CDH13: variants seen among roughly 807,000 people sequenced by gnomAD.
CDH13 encodes cadherin 13, also known as cadherin-13.
Under a neutral mutation model 63.8 loss-of-function variants are expected in CDH13, and 24 were observed. The ratio of observed to expected loss-of-function variants is 0.38; its 90% CI spans 0.27 to 0.53. The LOEUF (loss-of-function observed/expected upper bound fraction) is 0.53. Among genes scored for constraint, CDH13 ranks in the 20% least tolerant of loss-of-function variants. CDH13 has a pLI of 0.85. For missense variants in CDH13, 1,049 were observed against 903.1 expected (o/e 1.16, Z -2.07); for synonymous variants, 503 against 355.3 (o/e 1.42, Z -4.67).
intron 10 of CDH13, among the ~76,000 whole-genome samples, chr16:83,712,851 C>T (rs946458304): frequency 3.3e-5 from 5 of 152,204 alleles, no homozygotes; most frequent in African/African-American, 1.2e-4. Context: ...AACAGCATTG[C>T]TTCTCTAAAA....
At chr16:83,376,914 C>G (rs1003851899) in intron 6 of CDH13, among the ~76,000 whole-genome samples, 1 of 152,104 alleles carries the variant, frequency 6.6e-6, no homozygotes, top group African/African-American at 2.4e-5. Context: ...GAAGCCAGCA[C>G]CACATAAGAA....
At chr16:83,089,040 G>T (rs1237880689) in intron 3 of CDH13, among the ~76,000 whole-genome samples, 6 of 152,084 alleles carry the variant, frequency 3.9e-5, no homozygotes, top group African/African-American at 1.5e-4. Context: ...TTTACTACCT[G>T]GTTCTTTATA....
At chr16:83,491,461 A>C (rs2074009573) in intron 7 of CDH13, among the ~76,000 whole-genome samples, 2 of 152,174 alleles carry the variant, frequency 1.3e-5, no homozygotes, top group Non-Finnish European at 2.9e-5. Context: ...TAAATGTTTT[A>C]TTTAGTTGAT....
intron 4 of CDH13, chr16:83,181,092 G>C (rs763739276): frequency 2.4e-5 from 30 of 1,248,646 alleles, no homozygotes; most frequent in Non-Finnish European, 3.1e-5. Flanking sequence ...CCTGTTGACT[G>C]AATTTTGATC....
In CDH13 at chr16:83,274,999, C is replaced by CA. The variant is rs1481868974; in HGVS notation, c.636+57503dup. 2.0e-5 allele frequency among the ~76,000 whole-genome samples: 3 copies of CA among 152,258 alleles called. No homozygotes were observed. The South Asian group carries it at 6.2e-4, about 32-fold the overall frequency. Reference sequence around the variant, plus strand: ...ATACTTCCAGCCCTGTCTGACCCGGCACTCCCTATAGACACATGCTTTATT... The same window carrying CA: ...ATACTTCCAGCCCTGTCTGACCCGGCAACTCCCTATAGACACATGCTTTATT... On this transcript the variant is annotated intron_variant, in intron 5 of 13. Transcript: ENST00000567109.
chr16:83,144,675 AT>A (rs1292060758), intron 4 of CDH13, among the ~76,000 whole-genome samples: 1 of 152,122 alleles, frequency 6.6e-6, no homozygotes, highest in African/African-American at 2.4e-5. Flanking sequence ...CTATCTCTCT[AT>A]TTTTTTCCCT....
At chr16:83,268,143 C>A (rs1003667921) in intron 5 of CDH13, among the ~76,000 whole-genome samples, 5 of 152,166 alleles carry the variant, frequency 3.3e-5, no homozygotes, top group African/African-American at 1.2e-4. Context: ...CCAGAGTAAA[C>A]CCCTGATCAT....
intron 2 of CDH13, among the ~76,000 whole-genome samples, chr16:82,936,020 G>C (rs775908858): frequency 5.3e-5 from 8 of 152,118 alleles, no homozygotes; most frequent in Non-Finnish European, 1.0e-4. Flanking sequence ...TTTACACAGG[G>C]CATGGGCAAG....
chr16:82,902,071 TG>T (rs2041490703), intron 2 of CDH13, among the ~76,000 whole-genome samples: 1 of 152,202 alleles, frequency 6.6e-6, no homozygotes, highest in Non-Finnish European at 1.5e-5. Flanking sequence ...TTTCAAAACT[TG>T]GGCTGTTTGC....
intron 4 of CDH13, among the ~76,000 whole-genome samples, chr16:83,142,234 C>T (rs1383700257): frequency 6.8e-6 from 1 of 146,908 alleles, no homozygotes; most frequent in Non-Finnish European, 1.5e-5. Flanking sequence ...AATCTCAGCT[C>T]ACCACAGCCT....
chr16:83,377,465 A>G (rs2091479993), intron 6 of CDH13, among the ~76,000 whole-genome samples: 1 of 152,096 alleles, frequency 6.6e-6, no homozygotes, highest in African/African-American at 2.4e-5. Context: ...TTCCTCTTTG[A>G]TGGGACTGTC....
intron 7 of CDH13, among the ~76,000 whole-genome samples, chr16:83,560,808 AATC>A (rs10608983): frequency 0.22 from 33,274 of 151,986 alleles, 3,589 homozygotes; most frequent in Admixed American, 0.26. Context: ...ACGCAACCTT[AATC>A]ATATGAGTTG....
intron 2 of CDH13, among the ~76,000 whole-genome samples, chr16:82,875,659 C>G (rs1174588637): frequency 6.6e-6 from 1 of 152,164 alleles, no homozygotes; most frequent in Non-Finnish European, 1.5e-5. Context: ...GACTCACATT[C>G]ATATCTAAAG....
chr16:83,754,406 C>G (rs376178), intron 11 of CDH13, among the ~76,000 whole-genome samples: 3 of 152,090 alleles, frequency 2.0e-5, no homozygotes, highest in Non-Finnish European at 1.5e-5. Context: ...CAGAAGTTGA[C>G]TCAGTCTTGT....
intron 1 of CDH13, among the ~76,000 whole-genome samples, chr16:82,752,207 C>G (rs529742138): frequency 3.2e-4 from 49 of 152,284 alleles, no homozygotes; most frequent in African/African-American, 1.1e-3. Context: ...AATAGGATGG[C>G]CTGAGGTGCA....
At chr16:83,657,498 C>T (rs977318052) in intron 8 of CDH13, among the ~76,000 whole-genome samples, 3 of 152,194 alleles carry the variant, frequency 2.0e-5, no homozygotes, top group Non-Finnish European at 4.4e-5. Context: ...TTCATCTATG[C>T]TCAGGATGAC....
chr16:83,559,833 T>C (rs1019003694), intron 7 of CDH13, among the ~76,000 whole-genome samples: 1 of 152,190 alleles, frequency 6.6e-6, no homozygotes, highest in African/African-American at 2.4e-5. Flanking sequence ...TTTTGAAACT[T>C]GGTGCTTTCG....
intron 2 of CDH13, among the ~76,000 whole-genome samples, chr16:82,992,393 A>T (rs753661451): frequency 8.5e-5 from 13 of 152,196 alleles, no homozygotes; most frequent in Non-Finnish European, 1.3e-4. Context: ...AGAGTTAAAT[A>T]TGTGTATATA....
At chr16:82,636,898 A>G (rs752847699) in intron 1 of CDH13, among the ~76,000 whole-genome samples, 4 of 152,214 alleles carry the variant, frequency 2.6e-5, no homozygotes, top group Non-Finnish European at 5.9e-5. Context: ...GCTACCTGAT[A>G]CTAACTGGCT....
Sources: allele counts gnomAD v4.1 joint callset (sites outside exome capture counted in the v4.1 genomes callset), GRCh38; gene constraint gnomAD v4.1.1; transcripts MANE v1.5; gene names NCBI Gene and HGNC (gene_info 2026-07-23, HGNC 2026-07-21).